CLNK: variants seen among roughly 807,000 people sequenced by gnomAD.
CLNK encodes cytokine-dependent hematopoietic cell linker.
Under a neutral mutation model 68.6 loss-of-function variants are expected in CLNK, and 74 were observed. The observed-to-expected ratio is 1.08, with a 90% CI of 0.89 to 1.31. CLNK has a LOEUF of 1.31. CLNK is among the 50% of genes most tolerant of loss of function. The probability of loss-of-function intolerance (pLI) is 0.00; values close to 1 mark genes in which losing one functional copy is unlikely to be tolerated. For synonymous variants in CLNK, 198 were observed against 172.2 expected, an observed-to-expected ratio of 1.15 and a Z score of -1.17; for missense variants, 553 against 515.3, an observed-to-expected ratio of 1.07 and a Z score of -0.71.
In CLNK at chr4:10,524,334, C is replaced by A. The variant is rs1255367722; in HGVS notation, c.731+1507G>T. Among the ~76,000 whole-genome samples, 33 of 152,084 alleles carry A rather than the reference C, an allele frequency of 2.2e-4. 1 individual carries two copies. The highest frequency in any genetic ancestry group is 2.2e-3 in the Admixed American group (33 of 15,262). On this transcript the variant is annotated intron_variant, in intron 14 of 18. Transcript: ENST00000226951. ...TCATGCCCCGATATACAGGGCCTGG[C>A]AATAGCAATGAGAGTGAATGTTCGT...
At chr4:10,642,600 A>G (rs923697099) in intron 2 of CLNK, among the ~76,000 whole-genome samples, 1 of 152,114 alleles carries the variant, frequency 6.6e-6, no homozygotes, top group Non-Finnish European at 1.5e-5. Flanking sequence ...TGCATCTTGG[A>G]CCTGTATGCA....
intron 2 of CLNK, among the ~76,000 whole-genome samples, chr4:10,636,805 A>T (rs895018724): frequency 7.2e-5 from 11 of 152,224 alleles, no homozygotes; most frequent in Non-Finnish European, 1.3e-4. Flanking sequence ...CTGTGTGGTC[A>T]CTGCTCACCC....
intron 3 of CLNK, among the ~76,000 whole-genome samples, chr4:10,585,745 A>C (rs796732568): frequency 6.6e-6 from 1 of 152,250 alleles, no homozygotes; most frequent in South Asian, 2.1e-4. Context: ...TGAGCCCAGG[A>C]GTTCACGTCC....
intron 9 of CLNK, 32 bp downstream of exon 9, chr4:10,542,223 A>C (rs1334241193): frequency 7.1e-7 from 1 of 1,405,938 alleles, no homozygotes; most frequent in East Asian, 2.4e-5. Context: ...GTAAATAATG[A>C]ATAACAAATG....
At chr4:10,682,121 T>TTG (rs138607439) in intron 1 of CLNK, among the ~76,000 whole-genome samples, 122,561 of 151,002 alleles carry the variant, frequency 0.81, 50,113 homozygotes, top group Non-Finnish European at 0.86. Context: ...ACAATTCTGT[T>TTG]TGTGTGTGTG....
At chr4:10,547,593 T>C (rs1719285322) in intron 8 of CLNK, among the ~76,000 whole-genome samples, 1 of 152,124 alleles carries the variant, frequency 6.6e-6, no homozygotes, top group African/African-American at 2.4e-5. Flanking sequence ...TCTCCAGAAT[T>C]TATTTGTGCA....
At chr4:10,663,166 T>C (rs1051684841) in intron 2 of CLNK, among the ~76,000 whole-genome samples, 1 of 152,194 alleles carries the variant, frequency 6.6e-6, no homozygotes, top group African/African-American at 2.4e-5. Context: ...GATGCCCTTA[T>C]CTAGCCCCAG....
Position 10,624,442 on chromosome 4 carries a change from G to T in CLNK, c.12-26393C>A, listed in dbSNP as rs183129467. On this transcript the variant is annotated intron_variant, in intron 2 of 18. Coordinates refer to ENST00000226951, the MANE Select transcript of CLNK (RefSeq NM_052964.4). Reference sequence around the variant, plus strand: ...CGAGTAGCTCGGACTATAGGCGCCCGCCACCACGCCCGGCTAATTTTTTGT... The same window carrying T: ...CGAGTAGCTCGGACTATAGGCGCCCTCCACCACGCCCGGCTAATTTTTTGT... Among the ~76,000 whole-genome samples the T allele has an allele frequency of 7.7e-3, 1,169 of 152,076 alleles. 12 individuals carry two copies. Among genetic ancestry groups the T allele is most frequent in the Non-Finnish European group, 0.013 (903 of 67,982 alleles).
intron 2 of CLNK, among the ~76,000 whole-genome samples, chr4:10,612,602 G>T (rs1722074466): frequency 6.6e-6 from 1 of 152,178 alleles, no homozygotes; most frequent in African/African-American, 2.4e-5. Flanking sequence ...GTCATGCTGG[G>T]TTTCATGGAA....
At position 10,552,614 on chromosome 4, in the gene CLNK, A is replaced by G. The variant is rs149040676; in HGVS notation, c.445+5793T>C. Among the ~76,000 whole-genome samples, 3 of 152,062 alleles carry G rather than the reference A, an allele frequency of 2.0e-5. No homozygotes were observed. In the East Asian group the frequency reaches 5.8e-4, roughly 30 times the overall value. ...TGCTTGAAGACAGCTTCAAACCCCTATAATTTCATCTCCACCCCAATCAAT... is the reference window on the plus strand; with the variant it reads ...TGCTTGAAGACAGCTTCAAACCCCTGTAATTTCATCTCCACCCCAATCAAT... On this transcript the variant is annotated intron_variant, in intron 8 of 18. Coordinates refer to ENST00000226951, the MANE Select transcript of CLNK (RefSeq NM_052964.4).
chr4:10,671,882 T>C (rs77564710), intron 1 of CLNK, among the ~76,000 whole-genome samples: 5,900 of 152,174 alleles, frequency 0.039, 166 homozygotes, highest in Middle Eastern at 0.1. Context: ...AGAAACAGCT[T>C]CCCCCCAACT....
chr4:10,599,629 T>G (rs776586511), intron 2 of CLNK, among the ~76,000 whole-genome samples: 13 of 152,304 alleles, frequency 8.5e-5, no homozygotes, highest in Non-Finnish European at 1.9e-4. Context: ...ACACAGGCCT[T>G]TTTCCTAGCG....
At chr4:10,608,668 A>G (rs1175587155) in intron 2 of CLNK, among the ~76,000 whole-genome samples, 1 of 152,206 alleles carries the variant, frequency 6.6e-6, no homozygotes, top group Non-Finnish European at 1.5e-5. Context: ...TGAAATCGGG[A>G]AGAAAACCCT....
At chr4:10,509,928 G>A (rs1272304258) in intron 16 of CLNK, among the ~76,000 whole-genome samples, 3 of 152,138 alleles carry the variant, frequency 2.0e-5, no homozygotes, top group South Asian at 2.1e-4. Context: ...GCAAAGCCAC[G>A]TGACAGGCTC....
At chr4:10,680,168 C>A (rs1725039911) in intron 1 of CLNK, among the ~76,000 whole-genome samples, 1 of 151,974 alleles carries the variant, frequency 6.6e-6, no homozygotes. Context: ...AGATATACAT[C>A]ATGGAATACT....
intron 8 of CLNK, among the ~76,000 whole-genome samples, chr4:10,556,270 C>T (rs1027076051): frequency 6.6e-6 from 1 of 152,202 alleles, no homozygotes; most frequent in Admixed American, 6.5e-5. Flanking sequence ...TCCCTTTTTG[C>T]TTAGACTACC....
At chr4:10,651,305 C>A (rs1425160212) in intron 2 of CLNK, among the ~76,000 whole-genome samples, 1 of 152,182 alleles carries the variant, frequency 6.6e-6, no homozygotes, top group Non-Finnish European at 1.5e-5. Flanking sequence ...ACCCAAATGC[C>A]CATCAATGAT....
chr4:10,586,964 T>C (rs201158896), intron 3 of CLNK, among the ~76,000 whole-genome samples: 2 of 145,732 alleles, frequency 1.4e-5, no homozygotes, highest in African/African-American at 2.5e-5. Context: ...ATTTTTTTTC[T>C]TTTTTTTTTT....
chr4:10,643,977 A>G (rs1723415735), intron 2 of CLNK, among the ~76,000 whole-genome samples: 1 of 152,244 alleles, frequency 6.6e-6, no homozygotes, highest in Non-Finnish European at 1.5e-5. Context: ...AGGGCTAGAG[A>G]AAATCAAAGT....
Sources: gnomAD v4.1 joint callset for allele counts (sites outside exome capture counted in the v4.1 genomes callset) on GRCh38, gnomAD v4.1.1 for gene constraint, MANE v1.5 for transcripts, NCBI Gene and HGNC (gene_info 2026-07-23, HGNC 2026-07-21) for gene names.